The following GARRE1 variants were observed in gnomAD, a reference collection of about 807,000 sequenced individuals.
GARRE1 encodes the protein granule associated Rac and RHOG effector 1, also known as granule associated Rac and RHOG effector protein 1.
In GARRE1, 49 loss-of-function variants were observed where a neutral mutation model predicts 103.2. The ratio of observed to expected loss-of-function variants is 0.47; its 90% CI spans 0.38 to 0.60. GARRE1 has a LOEUF of 0.60. Ranked by LOEUF, GARRE1 falls within the 20% of genes least tolerant of loss-of-function variation. GARRE1 has a pLI of 0.00. For synonymous variants in GARRE1, 505 were observed against 532.8 expected (o/e 0.95, Z 0.72); for missense variants, 1,199 against 1,370.5 (o/e 0.87, Z 1.98).
chr19:34,351,448 T>G (rs1056399838), intron 12 of GARRE1, 66 bp from the exon 13 acceptor site: 2 of 1,226,994 alleles, frequency 1.6e-6, no homozygotes, highest in Non-Finnish European at 2.4e-6. Flanking sequence ...AGCACTAGTG[T>G]GTACCCTACA....
chr19:34,321,166 C>G (rs901471430), intron 3 of GARRE1, among the ~76,000 whole-genome samples: 1 of 147,282 alleles, frequency 6.8e-6, no homozygotes, highest in African/African-American at 2.5e-5. Flanking sequence ...ACGCCATTCT[C>G]CTGCCTCGGC....
chr19:34,315,925 A>G (rs566752656), intron 2 of GARRE1, among the ~76,000 whole-genome samples: 43 of 152,264 alleles, frequency 2.8e-4, no homozygotes, highest in African/African-American at 9.6e-4. Flanking sequence ...TCCACCATCA[A>G]GGGTTGCTAG....
At chr19:34,266,231 G>A (rs1002030412) in intron 1 of GARRE1, among the ~76,000 whole-genome samples, 4 of 152,232 alleles carry the variant, frequency 2.6e-5, no homozygotes, top group Non-Finnish European at 5.9e-5. Context: ...AACCACTGCG[G>A]GCCTGCTCTC....
chr19:34,280,937 T>G (rs1251974320), intron 1 of GARRE1, among the ~76,000 whole-genome samples: 1 of 152,104 alleles, frequency 6.6e-6, no homozygotes, highest in Admixed American at 6.5e-5. Context: ...AGTAGGTTTT[T>G]TTTTTTTTTT....
intron 10 of GARRE1, among the ~76,000 whole-genome samples, chr19:34,345,610 A>G (rs71351762): frequency 0.12 from 19,006 of 152,178 alleles, 1,469 homozygotes; most frequent in African/African-American, 0.21. Flanking sequence ...GCTTGAGGCC[A>G]GGAGTTCAAG....
chr19:34,262,929 A>G (rs1761975126), intron 1 of GARRE1, among the ~76,000 whole-genome samples: 1 of 152,124 alleles, frequency 6.6e-6, no homozygotes. Flanking sequence ...AAAAATATAT[A>G]TAGGCCAGGC....
chr19:34,318,180 C>T (rs1487059084), intron 2 of GARRE1, among the ~76,000 whole-genome samples: 2 of 152,204 alleles, frequency 1.3e-5, no homozygotes, highest in Non-Finnish European at 2.9e-5. Context: ...TGGCTTGCCC[C>T]TGCTTCTCCA....
intron 1 of GARRE1, among the ~76,000 whole-genome samples, chr19:34,255,858 T>G (rs2073668891): frequency 6.6e-6 from 1 of 151,976 alleles, no homozygotes; most frequent in Non-Finnish European, 1.5e-5. Context: ...ATTTGTTTTT[T>G]TTTGAGACAG....
intron 3 of GARRE1, among the ~76,000 whole-genome samples, chr19:34,323,022 T>A (rs1384911402): frequency 7.4e-6 from 1 of 135,154 alleles, no homozygotes; most frequent in African/African-American, 2.6e-5. Context: ...GTATTTCTTT[T>A]CTTTTTTTTT....
chr19:34,263,675 ACCATGTTGG>A (rs1441906417), intron 1 of GARRE1, among the ~76,000 whole-genome samples: 43 of 151,970 alleles, frequency 2.8e-4, no homozygotes, highest in Non-Finnish European at 5.1e-4. Context: ...ACAGGGTTTC[ACCATGTTGG>A]CCATGTTGGC....
At chr19:34,262,358 C>T (rs1181841270) in intron 1 of GARRE1, among the ~76,000 whole-genome samples, 6 of 128,070 alleles carry the variant, frequency 4.7e-5, no homozygotes, top group Admixed American at 2.9e-4. Context: ...TGCAGTAGTG[C>T]GATCTCAGCT....
At chr19:34,295,576 C>G (rs570856647) in intron 1 of GARRE1, among the ~76,000 whole-genome samples, 18 of 149,496 alleles carry the variant, frequency 1.2e-4, no homozygotes, top group Middle Eastern at 3.5e-3. Context: ...GTCACCCAGG[C>G]TAGAGTGCAG....
chr19:34,337,778 A>C (rs1208610889), intron 8 of GARRE1, among the ~76,000 whole-genome samples: 1 of 152,228 alleles, frequency 6.6e-6, no homozygotes, highest in East Asian at 1.9e-4. Context: ...ATTTTTCAGA[A>C]AGATTAATTA....
Position 34,344,552 on chromosome 19 carries a change from C to T in GARRE1, c.2521+2097C>T, listed in dbSNP as rs373575174. On this transcript the variant is annotated intron_variant, in intron 10 of 13. Transcript: ENST00000299505. ...CTTGCAGTGAGCCGAGATCCCGCCA[C>T]TGCACTCCAGCCTGGGCGACAGAGC... is the stretch of plus-strand genomic sequence containing the variant. Among the ~76,000 whole-genome samples the T allele has an allele frequency of 4.1e-5, 6 of 146,844 alleles. No homozygotes were observed. The East Asian group carries it at 8.3e-4, about 20-fold the overall frequency.
Position 34,354,926 on chromosome 19 carries a change from A to G in GARRE1, c.*1971A>G, listed in dbSNP as rs1278692356. 6.6e-6 allele frequency: 1 copy of G among 152,626 alleles called. No homozygotes were observed. The highest frequency in any genetic ancestry group is 1.5e-5 in the Non-Finnish European group (1 of 68,044). The allele number at this position is 152,626 out of a possible 1,614,324, so 9.5% of individuals were successfully genotyped here. A position where few individuals can be genotyped will look rare whatever the true frequency, so the allele number is the denominator to read the frequency against. On this transcript the variant is annotated 3_prime_UTR_variant, in exon 14 of 14. Transcript: ENST00000299505. ...GTTTACAAAGAACTGTTTTGTATAT[A>G]GACATTTTCAGGCACGTGCTTTGCA...
At chr19:34,305,646 A>G (rs2074004357) in intron 2 of GARRE1, among the ~76,000 whole-genome samples, 1 of 152,236 alleles carries the variant, frequency 6.6e-6, no homozygotes, top group Non-Finnish European at 1.5e-5. Context: ...GGGCAGGACA[A>G]TTAGAGAAGA....
At chr19:34,351,067 C>T (rs2074233861) in intron 12 of GARRE1, among the ~76,000 whole-genome samples, 1 of 151,566 alleles carries the variant, frequency 6.6e-6, no homozygotes, top group Non-Finnish European at 1.5e-5. Context: ...GGCATGGTGG[C>T]ACGCACCTGT....
chr19:34,347,970 A>C lies in GARRE1; in HGVS notation c.2615A>C (p.Asn872Thr), dbSNP rs1395430795. 1.9e-6 allele frequency: 3 copies of C among 1,583,686 alleles called. No individual in the cohort carries two copies. ...GCCCAGCACGGTCGCCGGCCAGGCAACCCCCGGGGCAACTGGCCGCCTATG... is the reference window on the plus strand; with the variant it reads ...GCCCAGCACGGTCGCCGGCCAGGCACCCCCCGGGGCAACTGGCCGCCTATG... ...RQAQHGRRPG[N>T]PRGNWPPMDD... is the part of the protein sequence containing the mutation. Residue 872 changes from asparagine to threonine, a missense_variant, in exon 11 of 14, where the codon AAC becomes ACC. Asn to Thr is a moderately conservative substitution (Grantham distance 65, BLOSUM62 0). Coordinates refer to ENST00000299505, the MANE Select transcript of GARRE1 (RefSeq NM_014686.5).
rs563000679 is a variant in GARRE1 at position 34,271,587 on chromosome 19, G to A, written c.-796+16973G>A. Among the ~76,000 whole-genome samples, 101 of 152,244 alleles carry A rather than the reference G, an allele frequency of 6.6e-4. 1 individual carries two copies. The highest frequency in any genetic ancestry group is 2.9e-3 in the Admixed American group (44 of 15,278). On this transcript the variant is annotated intron_variant, in intron 1 of 13. Coordinates refer to ENST00000299505, the MANE Select transcript of GARRE1 (RefSeq NM_014686.5). Reference sequence around the variant, plus strand: ...TCATTGAAAGAACTAGGAGCTGGGCGCGGTGGCTCATGTCTGTAGTACCAG... The same window carrying A: ...TCATTGAAAGAACTAGGAGCTGGGCACGGTGGCTCATGTCTGTAGTACCAG...
Sources: allele counts gnomAD v4.1 joint callset (sites outside exome capture counted in the v4.1 genomes callset), GRCh38; gene constraint gnomAD v4.1.1; transcripts MANE v1.5; gene names NCBI Gene and HGNC (gene_info 2026-07-23, HGNC 2026-07-21).